Variants in CDR2 observed in about 807,000 individuals in gnomAD.
CDR2 encodes the protein cerebellar degeneration related protein 2.
Under a neutral mutation model 48.4 loss-of-function variants are expected in CDR2, and 34 were observed. The observed-to-expected ratio is 0.70, with a 90% CI of 0.53 to 0.94. CDR2 has a LOEUF of 0.94. Ranked by LOEUF, CDR2 falls within the 40% of genes least tolerant of loss-of-function variation. The pLI, the probability that CDR2 is intolerant of heterozygous loss-of-function variation, is 0.00. For missense variants in CDR2, 498 were observed against 549.5 expected, an observed-to-expected ratio of 0.91 and a Z score of 0.94; for synonymous variants, 240 against 219.7, an observed-to-expected ratio of 1.09 and a Z score of -0.82.
intron 2 of CDR2, among the ~76,000 whole-genome samples, chr16:22,359,347 G>C (rs1286558353): frequency 1.3e-5 from 2 of 152,012 alleles, no homozygotes; most frequent in Non-Finnish European, 2.9e-5. Flanking sequence ...GGCTTATCTT[G>C]AACTCCTGAC....
chr16:22,371,846 ATATG>A (rs1462437266), intron 1 of CDR2, among the ~76,000 whole-genome samples: 4 of 78,882 alleles, frequency 5.1e-5, no homozygotes, highest in African/African-American at 9.5e-5. Flanking sequence ...AGAGGTTCAG[ATATG>A]TGTGTGTGTG....
rs1461085258 is a variant in CDR2, at chr16:22,347,896, T to C, written c.507-73A>G. On this transcript the variant is annotated intron_variant, in intron 4 of 4. Coordinates refer to ENST00000268383, the MANE Select transcript of CDR2 (RefSeq NM_001802.2). ...ATGACGAGAGGAAGACTGGTGATTT[T>C]TTTTCAACTAAATAAATTTGAGGAG... 8 of 1,383,846 alleles carry C rather than the reference T, an allele frequency of 5.8e-6. No individual in the cohort carries two copies. In the African/African-American group the frequency reaches 1.2e-4, roughly 20 times the overall value. 85.7% of individuals were successfully genotyped at this position (1,383,846 alleles called of 1,614,324 possible). A position where few individuals can be genotyped will look rare whatever the true frequency, so the allele number is the denominator to read the frequency against.
intron 2 of CDR2, among the ~76,000 whole-genome samples, chr16:22,358,370 G>C (rs1373177418): frequency 6.6e-6 from 1 of 152,084 alleles, no homozygotes; most frequent in Non-Finnish European, 1.5e-5. Flanking sequence ...AAAATGCCTT[G>C]GGTTTATCTC....
intron 1 of CDR2, among the ~76,000 whole-genome samples, chr16:22,372,654 GGTTT>G (rs919269226): frequency 2.0e-5 from 3 of 152,136 alleles, no homozygotes; most frequent in African/African-American, 7.2e-5. Flanking sequence ...TCTGAAAACA[GGTTT>G]GTTAATATGT....
At chr16:22,367,907 T>A (rs2049053195) in intron 1 of CDR2, among the ~76,000 whole-genome samples, 1 of 152,188 alleles carries the variant, frequency 6.6e-6, no homozygotes, top group African/African-American at 2.4e-5. Flanking sequence ...ACTAACAATG[T>A]CTATTAGTCA....
chr16:22,372,882 T>G (rs2049087774), intron 1 of CDR2, among the ~76,000 whole-genome samples: 1 of 152,194 alleles, frequency 6.6e-6, no homozygotes, highest in Non-Finnish European at 1.5e-5. Flanking sequence ...TTCTGCCATG[T>G]TCAGTGGTTA....
intron 2 of CDR2, among the ~76,000 whole-genome samples, chr16:22,360,021 T>A (rs904213549): frequency 6.6e-6 from 1 of 152,246 alleles, no homozygotes; most frequent in African/African-American, 2.4e-5. Flanking sequence ...AAAGAGGGCA[T>A]GAACTCTTGA....
At chr16:22,367,175 T>C (rs997924265) in intron 1 of CDR2, 1 of 152,214 alleles carries the variant, frequency 6.6e-6, no homozygotes, top group African/African-American at 2.4e-5. Context: ...AGGCATGCAC[T>C]ACCAAACCCA....
At chr16:22,365,956 C>T (rs1352656466) in intron 1 of CDR2, among the ~76,000 whole-genome samples, 1 of 152,092 alleles carries the variant, frequency 6.6e-6, no homozygotes, top group African/African-American at 2.4e-5. Context: ...AGTTAGTATT[C>T]TTGTTTAGAG....
At chr16:22,364,834 G>A in intron 2 of CDR2, 68 bp downstream of exon 2, 1 of 876,176 alleles carries the variant, frequency 1.1e-6, no homozygotes, top group Non-Finnish European at 1.9e-6. Flanking sequence ...TTTTTTACCA[G>A]TATGTGATTG....
chr16:22,360,242 G>GA (rs139986026), intron 2 of CDR2, among the ~76,000 whole-genome samples: 1 of 152,008 alleles, frequency 6.6e-6, no homozygotes, highest in Non-Finnish European at 1.5e-5. Flanking sequence ...ACCCAGAACA[G>GA]AAAAAACTTG....
intron 2 of CDR2, among the ~76,000 whole-genome samples, chr16:22,357,641 G>A (rs2048984067): frequency 6.6e-6 from 1 of 152,110 alleles, no homozygotes; most frequent in Non-Finnish European, 1.5e-5. Flanking sequence ...GGCAGCAATT[G>A]CCCCGGTAAT....
At chr16:22,362,149 C>T (rs1346439144) in intron 2 of CDR2, among the ~76,000 whole-genome samples, 1 of 152,166 alleles carries the variant, frequency 6.6e-6, no homozygotes, top group Non-Finnish European at 1.5e-5. Flanking sequence ...GATCCACCCG[C>T]CTTGGCCTAC....
At chr16:22,372,390 T>C (rs1478325358) in intron 1 of CDR2, among the ~76,000 whole-genome samples, 1 of 152,166 alleles carries the variant, frequency 6.6e-6, no homozygotes, top group African/African-American at 2.4e-5. Flanking sequence ...TGCGAGTGCT[T>C]CAGTGCAGTT....
intron 1 of CDR2, among the ~76,000 whole-genome samples, chr16:22,373,034 A>C (rs2049088717): frequency 1.3e-5 from 2 of 152,340 alleles, no homozygotes; most frequent in East Asian, 3.9e-4. Flanking sequence ...TTCAGTACTC[A>C]GTATAGCGGT....
chr16:22,358,438 T>C (rs2048990417), intron 2 of CDR2, among the ~76,000 whole-genome samples: 1 of 152,158 alleles, frequency 6.6e-6, no homozygotes, highest in South Asian at 2.1e-4. Context: ...GTTCCAGTTA[T>C]GCACAAAAGC....
At chr16:22,368,985 A>G (rs1054653032) in intron 1 of CDR2, 1 of 152,246 alleles carries the variant, frequency 6.6e-6, no homozygotes, top group African/African-American at 2.4e-5. Flanking sequence ...CAGAGTGTGT[A>G]ATGTGTATAC....
Position 22,347,431 on chromosome 16 carries a change from T to G in CDR2, c.899A>C (p.Glu300Ala). 2 of 1,614,034 alleles carry G rather than the reference T, an allele frequency of 1.2e-6. No individual in the cohort carries two copies. Among genetic ancestry groups the G allele is most frequent in the Non-Finnish European group, 1.7e-6 (2 of 1,179,944 alleles). ...LLEEMFLTVP[E>A]SHRKPLKRSS... ...GCGCTTGAGAGGCTTTCTATGTGAT[T>G]CCGGCACAGTCAGGAACATCTCTTC... is the stretch of plus-strand genomic sequence containing the variant. Residue 300 changes from glutamate (E) to alanine (A), a missense_variant, in exon 5 of 5, where the codon GAA becomes GCA. Glu to Ala is a moderately radical substitution (Grantham distance 107). Coordinates refer to ENST00000268383, the MANE Select transcript of CDR2 (RefSeq NM_001802.2).
At chr16:22,373,061 G>A (rs1426794650) in intron 1 of CDR2, among the ~76,000 whole-genome samples, 1 of 152,150 alleles carries the variant, frequency 6.6e-6, no homozygotes, top group Non-Finnish European at 1.5e-5. Flanking sequence ...CGTTTGCTCT[G>A]GAGTCTTAAG....
Sources: gnomAD v4.1 joint callset for allele counts (sites outside exome capture counted in the v4.1 genomes callset) on GRCh38, gnomAD v4.1.1 for gene constraint, MANE v1.5 for transcripts, NCBI Gene and HGNC (gene_info 2026-07-23, HGNC 2026-07-21) for gene names.